Variants in FGFR1OP2 observed in about 807,000 individuals in gnomAD.
The protein encoded by FGFR1OP2 is fibroblast growth factor receptor 1 oncogene partner 2.
Under a neutral mutation model 35.2 loss-of-function variants are expected in FGFR1OP2, and 17 were observed. That is an observed-to-expected ratio of 0.48 (90% CI 0.33 to 0.73). The LOEUF is 0.73. Among genes scored for constraint, FGFR1OP2 ranks in the 30% least tolerant of loss-of-function variants. FGFR1OP2 has a pLI of 0.02. For missense variants in FGFR1OP2, 251 were observed against 307.3 expected, an observed-to-expected ratio of 0.82 and a Z score of 1.37; for synonymous variants, 105 against 104.6, an observed-to-expected ratio of 1.00 and a Z score of -0.03.
At position 26,957,743 on chromosome 12, in the gene FGFR1OP2, G is replaced by GGT; in HGVS notation, c.396+1_396+2dup. On this transcript the variant is annotated frameshift_variant and splice_region_variant. Transcript: ENST00000229395. LOFTEE classifies it high-confidence loss of function. ...TGAAGTTAAAAGAGCAGCACTCCAA[G>GGT]GTAATCCATTCTATAAATGTGACCT... The GGT allele has an allele frequency of 6.2e-7, 1 of 1,609,276 alleles. No individual in the cohort carries two copies. The highest frequency in any genetic ancestry group is 8.5e-7 in the Non-Finnish European group (1 of 1,178,232).
intron 1 of FGFR1OP2, among the ~76,000 whole-genome samples, chr12:26,945,907 T>A (rs532882207): frequency 6.6e-6 from 1 of 152,218 alleles, no homozygotes; most frequent in South Asian, 2.1e-4. Flanking sequence ...ACAGTTCTCT[T>A]AAATTTGTTA....
At chr12:26,952,960 A>T (rs886163887) in intron 1 of FGFR1OP2, among the ~76,000 whole-genome samples, 1 of 152,076 alleles carries the variant, frequency 6.6e-6, no homozygotes, top group Non-Finnish European at 1.5e-5. Flanking sequence ...GGTAAAACTT[A>T]GTAGAAAGAT....
rs1247958724 is a variant in FGFR1OP2 at position 26,965,321 on chromosome 12, T to A, written c.*588T>A. ...TTTAGCAATTTATCATAACTGATACTTAGCTAACAATTGTCCATAACTTGT... is the reference window on the plus strand; with the variant it reads ...TTTAGCAATTTATCATAACTGATACATAGCTAACAATTGTCCATAACTTGT... On this transcript the variant is annotated 3_prime_UTR_variant, in exon 7 of 7. Transcript: ENST00000229395. The A allele has an allele frequency of 6.6e-6, 1 of 152,574 alleles. No individual in the cohort carries two copies. Among genetic ancestry groups the A allele is most frequent in the Non-Finnish European group, 1.5e-5 (1 of 67,972 alleles). 9.5% of individuals were successfully genotyped at this position (152,574 alleles called of 1,614,324 possible).
intron 1 of FGFR1OP2, among the ~76,000 whole-genome samples, chr12:26,950,213 G>GTGTTTTTTTTT (rs1325830058): frequency 3.9e-5 from 2 of 50,934 alleles, no homozygotes; most frequent in African/African-American, 8.1e-5. Context: ...TGTATTCGTT[G>GTGTTTTTTTTT]TTTTTTTTTT....
chr12:26,957,799 T>G (rs1939047023), intron 4 of FGFR1OP2, 56 bp downstream of exon 4: 1 of 1,454,434 alleles, frequency 6.9e-7, no homozygotes, highest in Non-Finnish European at 9.1e-7. Context: ...TTGATTATTC[T>G]GTGTTCAGAT....
intron 1 of FGFR1OP2, among the ~76,000 whole-genome samples, chr12:26,939,683 C>T (rs1405398117): frequency 6.6e-6 from 1 of 152,204 alleles, no homozygotes; most frequent in African/African-American, 2.4e-5. Context: ...AACTTTTCTT[C>T]TGCAGTATTT....
intron 6 of FGFR1OP2, 92 bp from the exon 7 acceptor site, chr12:26,964,504 C>T (rs1939145967): frequency 7.1e-7 from 1 of 1,410,834 alleles, no homozygotes; most frequent in Non-Finnish European, 9.7e-7. Context: ...TTTGTTATAC[C>T]TTCATATGTT....
At chr12:26,950,213 G>GTGTTTTTTTTTTT (rs1325830058) in intron 1 of FGFR1OP2, among the ~76,000 whole-genome samples, 1 of 50,934 alleles carries the variant, frequency 2.0e-5, no homozygotes, top group African/African-American at 8.1e-5. Flanking sequence ...TGTATTCGTT[G>GTGTTTTTTTTTTT]TTTTTTTTTT....
chr12:26,958,946 C>T (rs1201669084), intron 4 of FGFR1OP2, among the ~76,000 whole-genome samples: 3 of 152,124 alleles, frequency 2.0e-5, no homozygotes, highest in South Asian at 4.2e-4. Context: ...CTTCTTTTCC[C>T]CATTTGTTAC....
chr12:26,956,945 G>A lies in FGFR1OP2; in HGVS notation c.253+285G>A, dbSNP rs116155061. On this transcript the variant is annotated intron_variant, in intron 3 of 6. Coordinates refer to ENST00000229395, the MANE Select transcript of FGFR1OP2 (RefSeq NM_015633.3). ...CAGTCTCTCTTCCCCCTTCCAATCT[G>A]TCTTCAACATAACCATCAGATTGAT... Among the ~76,000 whole-genome samples the A allele has an allele frequency of 6.9e-3, 1,050 of 152,184 alleles. 11 individuals carry two copies. The highest frequency in any genetic ancestry group is 0.024 in the African/African-American group (980 of 41,518).
intron 2 of FGFR1OP2, 54 bp from the exon 3 acceptor site, chr12:26,956,479 CATATATATAT>C (rs5797206): frequency 8.3e-6 from 2 of 242,222 alleles, no homozygotes; most frequent in Non-Finnish European, 1.5e-5. Context: ...ATTTATATAT[CATATATATAT>C]ATATATATAT....
chr12:26,940,408 G>A (rs1192408162), intron 1 of FGFR1OP2, among the ~76,000 whole-genome samples: 1 of 152,058 alleles, frequency 6.6e-6, no homozygotes, highest in Non-Finnish European at 1.5e-5. Flanking sequence ...TATTTTCAAG[G>A]ACAGTGAAAA....
At chr12:26,946,497 A>T (rs1938824050) in intron 1 of FGFR1OP2, among the ~76,000 whole-genome samples, 2 of 151,972 alleles carry the variant, frequency 1.3e-5, no homozygotes, top group South Asian at 2.1e-4. Flanking sequence ...TTTTTAGTAG[A>T]GGTGGGGTTT....
At chr12:26,950,497 A>G (rs1352193590) in intron 1 of FGFR1OP2, among the ~76,000 whole-genome samples, 1 of 152,070 alleles carries the variant, frequency 6.6e-6, no homozygotes, top group East Asian at 1.9e-4. Context: ...AAGTGCTGGG[A>G]TTACAGGCGT....
chr12:26,942,491 C>T (rs1475626157), intron 1 of FGFR1OP2, among the ~76,000 whole-genome samples: 1 of 152,170 alleles, frequency 6.6e-6, no homozygotes, highest in Admixed American at 6.5e-5. Flanking sequence ...TGATTTTCCT[C>T]TAGGGTACTC....
chr12:26,949,293 G>A (rs912720155), intron 1 of FGFR1OP2, among the ~76,000 whole-genome samples: 5 of 151,446 alleles, frequency 3.3e-5, no homozygotes, highest in East Asian at 2.0e-4. Flanking sequence ...GCACCACCAC[G>A]CCCTGCTAAT....
intron 1 of FGFR1OP2, among the ~76,000 whole-genome samples, chr12:26,947,621 A>C (rs1211635517): frequency 6.6e-6 from 1 of 152,046 alleles, no homozygotes; most frequent in Non-Finnish European, 1.5e-5. Context: ...GGCTCAAGCA[A>C]TCCTCCGATT....
intron 1 of FGFR1OP2, among the ~76,000 whole-genome samples, chr12:26,949,767 T>C (rs1235044740): frequency 6.6e-6 from 1 of 151,330 alleles, no homozygotes; most frequent in Non-Finnish European, 1.5e-5. Context: ...TTAGTAGAGA[T>C]GAGGTTTCAT....
At chr12:26,963,484 A>C (rs367802375) in intron 6 of FGFR1OP2, 29 bp downstream of exon 6, 367 of 1,412,952 alleles carry the variant, frequency 2.6e-4, no homozygotes, top group Non-Finnish European at 3.5e-4. Context: ...ATGTAGATGA[A>C]AACTGTCCAT....
Sources: allele counts gnomAD v4.1 joint callset (sites outside exome capture counted in the v4.1 genomes callset), GRCh38; gene constraint gnomAD v4.1.1; transcripts MANE v1.5; gene names NCBI Gene and HGNC (gene_info 2026-07-23, HGNC 2026-07-21).